Variants in ST7 observed in about 807,000 individuals in gnomAD.
ST7 encodes the protein suppression of tumorigenicity 7.
In ST7, 28 loss-of-function variants were observed where a neutral mutation model predicts 78.7. The observed-to-expected ratio is 0.36, with a 90% CI of 0.26 to 0.49. The LOEUF is 0.49. Among genes scored for constraint, ST7 ranks in the 20% least tolerant of loss-of-function variants. ST7 has a pLI of 0.99. For synonymous variants in ST7, 247 were observed against 249.6 expected, an observed-to-expected ratio of 0.99 and a Z score of 0.10; for missense variants, 418 against 696.0, an observed-to-expected ratio of 0.60 and a Z score of 4.49.
chr7:117,200,833 TTAA>T (rs1810771309), intron 12 of ST7, among the ~76,000 whole-genome samples: 1 of 52,064 alleles, frequency 1.9e-5, no homozygotes, highest in African/African-American at 5.1e-5. Context: ...TTTTTTTTTT[TTAA>T]AAAAAAAAGA....
chr7:117,097,904 ATATATTTTTT>A (rs1459399614), intron 1 of ST7, among the ~76,000 whole-genome samples: 9 of 33,720 alleles, frequency 2.7e-4, no homozygotes, highest in African/African-American at 7.8e-4. Flanking sequence ...ATATATATAT[ATATATTTTTT>A]TTTTTTTTTT....
chr7:117,016,390 CTA>C (rs1303503497), intron 1 of ST7, among the ~76,000 whole-genome samples: 1 of 152,184 alleles, frequency 6.6e-6, no homozygotes, highest in Non-Finnish European at 1.5e-5. Flanking sequence ...CAGAGCTTTA[CTA>C]TGAGTATGCT....
In ST7 at chr7:117,141,626, C is replaced by A. The variant is rs192438862; in HGVS notation, c.963+3094C>A. 1.4e-4 allele frequency among the ~76,000 whole-genome samples: 21 copies of A among 152,256 alleles called. No individual in the cohort carries two copies. In the East Asian group the frequency reaches 4.1e-3, roughly 29 times the overall value. ...AGGAATATTTTGGCAGTAAGCAGAGCTAAGAGAGCATGCTGGCTTTTTCTT... is the reference window on the plus strand; with the variant it reads ...AGGAATATTTTGGCAGTAAGCAGAGATAAGAGAGCATGCTGGCTTTTTCTT... On this transcript the variant is annotated intron_variant, in intron 9 of 15. Coordinates refer to ENST00000323984, the MANE Select transcript of ST7 (RefSeq NM_001369598.1).
intron 1 of ST7, among the ~76,000 whole-genome samples, chr7:116,973,113 C>T (rs7776604): frequency 0.032 from 4,799 of 152,010 alleles, 235 homozygotes; most frequent in African/African-American, 0.11. Flanking sequence ...TTTGGTCCAT[C>T]GAGAGCTCTG....
chr7:116,974,356 C>T (rs555914945), intron 1 of ST7, among the ~76,000 whole-genome samples: 15 of 151,370 alleles, frequency 9.9e-5, no homozygotes, highest in Non-Finnish European at 2.2e-4. Flanking sequence ...GGCGTGATCT[C>T]GGCTCACTGC....
At chr7:117,169,804 CTTT>C (rs757197865) in intron 9 of ST7, among the ~76,000 whole-genome samples, 1 of 131,536 alleles carries the variant, frequency 7.6e-6, no homozygotes, top group East Asian at 2.2e-4. Flanking sequence ...CTTAGCAATC[CTTT>C]TTTTTTTTTT....
intron 9 of ST7, among the ~76,000 whole-genome samples, chr7:117,143,588 A>G (rs562786536): frequency 6.6e-6 from 1 of 152,328 alleles, no homozygotes; most frequent in South Asian, 2.1e-4. Flanking sequence ...CTTTACAAAT[A>G]TAACCTCATT....
Position 117,133,948 on chromosome 7 carries a change from C to T in ST7, c.642-176C>T, listed in dbSNP as rs536228391. ...GAACATTTGGAAGCTGCTCAACCCT[C>T]TTAAACCATTTTTCCTTCTGAATCT... On this transcript the variant is annotated intron_variant, in intron 6 of 15. Coordinates refer to ENST00000323984, the MANE Select transcript of ST7 (RefSeq NM_001369598.1). Among the ~76,000 whole-genome samples, 12 of 152,040 alleles carry T rather than the reference C, an allele frequency of 7.9e-5. No homozygotes were observed. In the East Asian group the frequency reaches 2.3e-3, roughly 29 times the overall value.
intron 1 of ST7, among the ~76,000 whole-genome samples, chr7:116,974,868 G>A (rs1224762607): frequency 6.6e-6 from 1 of 152,198 alleles, no homozygotes; most frequent in Admixed American, 6.5e-5. Context: ...CAAAATTTGA[G>A]GAGATACAAA....
chr7:117,228,450 C>T (rs923103569), intron 15 of ST7, among the ~76,000 whole-genome samples: 1 of 152,160 alleles, frequency 6.6e-6, no homozygotes, highest in Non-Finnish European at 1.5e-5. Flanking sequence ...TGGTGTAAAA[C>T]ACAGATTGGA....
intron 1 of ST7, among the ~76,000 whole-genome samples, chr7:117,051,935 C>A (rs1584526034): frequency 6.6e-6 from 1 of 152,220 alleles, no homozygotes; most frequent in African/African-American, 2.4e-5. Context: ...GGTTGGCAAC[C>A]CTTAGCAGAG....
chr7:116,972,084 T>G, intron 1 of ST7: 1 of 524,374 alleles, frequency 1.9e-6, no homozygotes, highest in Non-Finnish European at 3.7e-6. Flanking sequence ...AGTCCTCAGT[T>G]AAAGGTCAGC....
At chr7:117,130,876 C>G (rs1481316076) in intron 5 of ST7, among the ~76,000 whole-genome samples, 1 of 151,704 alleles carries the variant, frequency 6.6e-6, no homozygotes, top group Admixed American at 6.6e-5. Flanking sequence ...AAATATGAAT[C>G]TTATATGAAG....
At position 117,086,778 on chromosome 7, in the gene ST7, C is replaced by T. The variant is rs141673200; in HGVS notation, c.152-12984C>T. 4.7e-3 allele frequency among the ~76,000 whole-genome samples: 712 copies of T among 152,186 alleles called. 7 individuals carry two copies. The highest frequency in any genetic ancestry group is 0.016 in the African/African-American group (659 of 41,534). On this transcript the variant is annotated intron_variant, in intron 1 of 15. Coordinates refer to ENST00000323984, the MANE Select transcript of ST7 (RefSeq NM_001369598.1). ...AAGCCAGATGCATTTGTGATTTAAC[C>T]GGAGTTCACAGCCCAGGACCTGAGG...
chr7:117,069,274 G>C (rs764840365), intron 1 of ST7, among the ~76,000 whole-genome samples: 3 of 152,092 alleles, frequency 2.0e-5, no homozygotes, highest in African/African-American at 7.2e-5. Context: ...AAAGATTGTG[G>C]CTTGCCTGTT....
At chr7:117,187,846 C>A (rs1199665237) in intron 10 of ST7, 1 of 152,042 alleles carries the variant, frequency 6.6e-6, no homozygotes, top group African/African-American at 2.4e-5. Context: ...AATGAGTATA[C>A]CCTAGAAAAC....
At chr7:117,111,976 T>G (rs887191599) in intron 2 of ST7, among the ~76,000 whole-genome samples, 1 of 152,202 alleles carries the variant, frequency 6.6e-6, no homozygotes, top group African/African-American at 2.4e-5. Context: ...ATATCCCTAT[T>G]AAAATGTGTG....
chr7:117,122,350 G>C (rs1803462000), intron 3 of ST7, among the ~76,000 whole-genome samples: 1 of 152,204 alleles, frequency 6.6e-6, no homozygotes, highest in Non-Finnish European at 1.5e-5. Flanking sequence ...AAACAGAGGA[G>C]TGATGTGATC....
chr7:117,099,398 G>A (rs1801396940), intron 1 of ST7, among the ~76,000 whole-genome samples: 1 of 152,110 alleles, frequency 6.6e-6, no homozygotes, highest in African/African-American at 2.4e-5. Flanking sequence ...TGATGTGCAG[G>A]TCCCACAAAA....
Sources: allele counts gnomAD v4.1 joint callset (sites outside exome capture counted in the v4.1 genomes callset), GRCh38; gene constraint gnomAD v4.1.1; transcripts MANE v1.5; gene names NCBI Gene and HGNC (gene_info 2026-07-23, HGNC 2026-07-21).